Variants in PPIL2 observed in about 807,000 individuals in gnomAD.
PPIL2 encodes RING-type E3 ubiquitin-protein ligase PPIL2.
In PPIL2, 50 loss-of-function variants were observed where a neutral mutation model predicts 75.2. That is an observed-to-expected ratio of 0.66 (90% CI 0.53 to 0.84). The LOEUF is 0.84. PPIL2 is among the 40% of genes least tolerant of loss of function. PPIL2 has a pLI of 0.00. For missense variants in PPIL2, 590 were observed against 685.0 expected (o/e 0.86, Z 1.55); for synonymous variants, 245 against 258.8 (o/e 0.95, Z 0.51).
chr22:21,687,948 C>T (rs977070447), intron 13 of PPIL2, 125 bp from the exon 14 acceptor site: 5 of 1,314,964 alleles, frequency 3.8e-6, no homozygotes, highest in Non-Finnish European at 4.3e-6. Flanking sequence ...GGGAGGGCCC[C>T]TCATTATCAC....
chr22:21,666,884 G>A (rs936020589), intron 1 of PPIL2, among the ~76,000 whole-genome samples: 2 of 152,104 alleles, frequency 1.3e-5, no homozygotes, highest in African/African-American at 4.8e-5. Flanking sequence ...CGCTGCCGCC[G>A]TGTTGTTTCT....
At position 21,696,320 on chromosome 22, in the gene PPIL2, G is replaced by T. The variant is rs373628220; in HGVS notation, c.*830G>T. 6.2e-5 allele frequency: 66 copies of T among 1,066,734 alleles called. 1 individual carries two copies. In the East Asian group the frequency reaches 2.6e-3, roughly 42 times the overall value. The allele number at this position is 1,066,734 out of a possible 1,614,324, so 66.1% of individuals were successfully genotyped here. Reference sequence around the variant, plus strand: ...TGTGCCCCTGTGAGAATCTTGAGGGGACCCACACTGGGTTGAGGCCAGTGT... The same window carrying T: ...TGTGCCCCTGTGAGAATCTTGAGGGTACCCACACTGGGTTGAGGCCAGTGT... On this transcript the variant is annotated 3_prime_UTR_variant, in exon 20 of 20. Transcript: ENST00000398831.
chr22:21,692,658 GC>G (rs2067724114), intron 15 of PPIL2, among the ~76,000 whole-genome samples: 1 of 150,842 alleles, frequency 6.6e-6, no homozygotes, highest in Non-Finnish European at 1.5e-5. Flanking sequence ...AGGTGCAGTG[GC>G]TCACGCCTGT....
At chr22:21,680,371 A>T (rs2067060316) in intron 6 of PPIL2, among the ~76,000 whole-genome samples, 1 of 152,212 alleles carries the variant, frequency 6.6e-6, no homozygotes, top group Admixed American at 6.5e-5. Flanking sequence ...TACTAAAAAT[A>T]CAAAAATTAG....
rs2067963607 is a variant in PPIL2, at chr22:21,696,977, G to A, written c.*1487G>A. 8 of 1,556,872 alleles carry A rather than the reference G, an allele frequency of 5.1e-6. No individual in the cohort carries two copies. The highest frequency in any genetic ancestry group is 6.1e-6 in the Non-Finnish European group (7 of 1,150,796). ...TCATCATGCTAAGAACAAGAACTGC[G>A]CCATGGCTGGCTCCTTCTCTTCTCC... On this transcript the variant is annotated 3_prime_UTR_variant, in exon 20 of 20. Transcript: ENST00000398831.
chr22:21,698,117 T>C (rs998326199), downstream of PPIL2: 4 of 152,066 alleles, frequency 2.6e-5, no homozygotes, highest in Non-Finnish European at 5.9e-5. Flanking sequence ...TGTTTAGGAA[T>C]TTAAGAGGGT....
At position 21,694,685 on chromosome 22, in the gene PPIL2, G is replaced by C; in HGVS notation, c.1269+20G>C. On this transcript the variant is annotated intron_variant, in intron 17 of 19. Coordinates refer to ENST00000398831, the MANE Select transcript of PPIL2 (RefSeq NM_014337.4). ...CCTAAGGTCTGTGCCCAGGGAGGTG[G>C]GGCGTGGCGGCTGGGGGCCAGGCAG... The C allele has an allele frequency of 6.2e-7, 1 of 1,613,754 alleles. No homozygotes were observed. The highest frequency in any genetic ancestry group is 8.5e-7 in the Non-Finnish European group (1 of 1,179,946).
At chr22:21,668,337 T>G (rs573271302) in intron 1 of PPIL2, among the ~76,000 whole-genome samples, 2 of 151,318 alleles carry the variant, frequency 1.3e-5, no homozygotes. Flanking sequence ...GAAATAGAGA[T>G]CATAAGGGGC....
intron 15 of PPIL2, 103 bp from the exon 16 acceptor site, chr22:21,693,713 C>A: frequency 8.4e-7 from 1 of 1,192,746 alleles, no homozygotes; most frequent in Non-Finnish European, 1.2e-6. Flanking sequence ...GCTGCAGGTT[C>A]CCAGAGCTGG....
In PPIL2 at chr22:21,682,544, G is replaced by T. The variant is rs910975070; in HGVS notation, c.477+18G>T. ...CCCTCCAGGTGAGTGTCCCCTGCCT[G>T]CCTGCCCCAGCTGCCTTCAGCACCT... On this transcript the variant is annotated intron_variant, in intron 8 of 19. Coordinates refer to ENST00000398831, the MANE Select transcript of PPIL2 (RefSeq NM_014337.4). 4 of 1,601,194 alleles carry T rather than the reference G, an allele frequency of 2.5e-6. No individual in the cohort carries two copies. The East Asian group carries it at 6.7e-5, about 27-fold the overall frequency.
intron 4 of PPIL2, among the ~76,000 whole-genome samples, chr22:21,671,384 A>T (rs571277075): frequency 6.6e-6 from 1 of 152,340 alleles, no homozygotes; most frequent in South Asian, 2.1e-4. Context: ...CCCACTATCC[A>T]AGATAACCAC....
At position 21,696,080 on chromosome 22, in the gene PPIL2, C is replaced by G. The variant is rs986265173; in HGVS notation, c.*590C>G. 2.2e-6 allele frequency: 2 copies of G among 894,430 alleles called. No homozygotes were observed. The highest frequency in any genetic ancestry group is 3.6e-5 in the African/African-American group (2 of 55,226). The allele number at this position is 894,430 out of a possible 1,614,324, so 55.4% of individuals were successfully genotyped here. On this transcript the variant is annotated 3_prime_UTR_variant, in exon 20 of 20. Coordinates refer to ENST00000398831, the MANE Select transcript of PPIL2 (RefSeq NM_014337.4). ...GTGGTCCCCTGACCAACGCCATTAC[C>G]TGGGACAAGTTTTCAGACCCCAGAC...
chr22:21,692,386 C>CCA (rs1421826924), intron 15 of PPIL2, among the ~76,000 whole-genome samples: 1 of 151,402 alleles, frequency 6.6e-6, no homozygotes. Context: ...GATCTCCTGA[C>CCA]CTTGTGATCC....
intron 3 of PPIL2, 54 bp downstream of exon 3, chr22:21,670,665 G>A: frequency 6.5e-7 from 1 of 1,536,354 alleles, no homozygotes; most frequent in South Asian, 1.1e-5. Flanking sequence ...GATCCTGTCT[G>A]ATAGTGAATC....
Position 21,666,088 on chromosome 22 carries a change from C to T in PPIL2, c.-12C>T. The T allele has an allele frequency of 2.5e-6, 4 of 1,612,826 alleles. No homozygotes were observed. Among genetic ancestry groups the T allele is most frequent in the South Asian group, 1.1e-5 (1 of 90,982 alleles). Reference sequence around the variant, plus strand: ...TTTTTTCGTGCTCGCTAGTCGCCGCCGCCGCTCCGCCATGGGGAAGCGACA... The same window carrying T: ...TTTTTTCGTGCTCGCTAGTCGCCGCTGCCGCTCCGCCATGGGGAAGCGACA... On this transcript the variant is annotated 5_prime_UTR_variant, in exon 1 of 20. Coordinates refer to ENST00000398831, the MANE Select transcript of PPIL2 (RefSeq NM_014337.4).
In PPIL2 at chr22:21,697,227, T is replaced by G; in HGVS notation, c.*1737T>G. On this transcript the variant is annotated 3_prime_UTR_variant, in exon 20 of 20. Coordinates refer to ENST00000398831, the MANE Select transcript of PPIL2 (RefSeq NM_014337.4). ...GTGACTGCCCAGGTGTCCACACACCTGTAGGCCTCTGAGCCAGCGTCCAGG... is the reference window on the plus strand; with the variant it reads ...GTGACTGCCCAGGTGTCCACACACCGGTAGGCCTCTGAGCCAGCGTCCAGG... The G allele has an allele frequency of 1.8e-6, 1 of 542,578 alleles. No individual in the cohort carries two copies. The allele number at this position is 542,578 out of a possible 1,614,324, so 33.6% of individuals were successfully genotyped here.
intron 15 of PPIL2, among the ~76,000 whole-genome samples, chr22:21,689,565 ATTATC>A (rs1201547093): frequency 6.6e-6 from 1 of 152,140 alleles, no homozygotes; most frequent in African/African-American, 2.4e-5. Flanking sequence ...ACTTTAACAA[ATTATC>A]TTATAATTCA....
intron 5 of PPIL2, among the ~76,000 whole-genome samples, chr22:21,674,844 C>T (rs1298047955): frequency 6.6e-6 from 1 of 152,232 alleles, no homozygotes; most frequent in African/African-American, 2.4e-5. Flanking sequence ...CCCGTGACGG[C>T]TCTTCTCAGA....
At chr22:21,672,514 TCTTC>T in intron 5 of PPIL2, 133 bp downstream of exon 5, 9 of 862,132 alleles carry the variant, frequency 1.0e-5, no homozygotes, top group African/African-American at 1.7e-5. Flanking sequence ...GGAGGGACAG[TCTTC>T]CCCTCCTCTC....
Sources: gnomAD v4.1 joint callset for allele counts (sites outside exome capture counted in the v4.1 genomes callset) on GRCh38, gnomAD v4.1.1 for gene constraint, MANE v1.5 for transcripts, NCBI Gene and HGNC (gene_info 2026-07-23, HGNC 2026-07-21) for gene names.